Variants in CACNA1I observed in about 807,000 individuals in gnomAD.
CACNA1I encodes the protein calcium voltage-gated channel subunit alpha1 I.
A neutral mutation model predicts 201.6 loss-of-function variants in CACNA1I; 74 were observed. The observed-to-expected ratio is 0.37, with a 90% CI of 0.30 to 0.45. CACNA1I has a LOEUF of 0.45. CACNA1I is among the 20% of genes least tolerant of loss of function. The probability of loss-of-function intolerance (pLI) is 1.00; values close to 1 mark genes in which losing one functional copy is unlikely to be tolerated. For synonymous variants in CACNA1I, 1,431 were observed against 1,345.2 expected (o/e 1.06, Z -1.40); for missense variants, 2,346 against 3,138.1 (o/e 0.75, Z 6.03).
At chr22:39,652,546 C>A (rs1367692662) in intron 10 of CACNA1I, among the ~76,000 whole-genome samples, 2 of 152,238 alleles carry the variant, frequency 1.3e-5, no homozygotes, top group African/African-American at 2.4e-5. Context: ...TATTACCTCG[C>A]CCCTCTTGTA....
At chr22:39,595,507 C>G (rs922789662) in intron 1 of CACNA1I, among the ~76,000 whole-genome samples, 1 of 151,902 alleles carries the variant, frequency 6.6e-6, no homozygotes, top group Admixed American at 6.6e-5. Flanking sequence ...CGCCTGTAAT[C>G]CCAGCTACTT....
chr22:39,682,894 A>G (rs1243286380), intron 35 of CACNA1I, among the ~76,000 whole-genome samples: 1 of 152,196 alleles, frequency 6.6e-6, no homozygotes, highest in Non-Finnish European at 1.5e-5. Flanking sequence ...ACAAAAACCT[A>G]AGCATCTAAA....
At chr22:39,589,515 G>A (rs1242301116) in intron 1 of CACNA1I, among the ~76,000 whole-genome samples, 1 of 152,236 alleles carries the variant, frequency 6.6e-6, no homozygotes, top group Non-Finnish European at 1.5e-5. Flanking sequence ...GGCCACTGTT[G>A]CTCGAACACA....
intron 7 of CACNA1I, among the ~76,000 whole-genome samples, chr22:39,644,114 C>T (rs1380366656): frequency 1.3e-5 from 2 of 152,136 alleles, no homozygotes; most frequent in Non-Finnish European, 2.9e-5. Context: ...GGGAGGTGAG[C>T]AGGGAAAGAG....
rs1935194700 is a variant in CACNA1I, at chr22:39,666,327, T to C, written c.4104+321T>C. Among the ~76,000 whole-genome samples, 1 of 151,742 alleles carries C rather than the reference T, an allele frequency of 6.6e-6. No individual in the cohort carries two copies. The highest frequency in any genetic ancestry group is 1.5e-5 in the Non-Finnish European group (1 of 67,934). On this transcript the variant is annotated intron_variant, in intron 23 of 36. Coordinates refer to ENST00000402142, the MANE Select transcript of CACNA1I (RefSeq NM_021096.4). The surrounding 1 kb of genome is among the most constrained non-coding windows in gnomAD (Gnocchi z 4.1). ...AGAATCAAGCAGTCCTGGAGGTGAA[T>C]CCAGCTCTGCCACCTTCTGTAGGTG...
intron 4 of CACNA1I, among the ~76,000 whole-genome samples, chr22:39,633,741 C>T (rs73424170): frequency 0.025 from 3,734 of 152,324 alleles, 159 homozygotes; most frequent in African/African-American, 0.083. Context: ...ATGGACTCTA[C>T]AGGATCTTAG....
chr22:39,622,598 T>A (rs564778033), intron 4 of CACNA1I, among the ~76,000 whole-genome samples: 1 of 2,738 alleles, frequency 3.7e-4, no homozygotes, highest in Non-Finnish European at 7.5e-4. Context: ...GAGTGCGGTG[T>A]GGGGGGGGCG....
At position 39,686,817 on chromosome 22, in the gene CACNA1I, G is replaced by A. The variant is rs1181859060; in HGVS notation, c.*412G>A. The A allele has an allele frequency of 6.6e-6, 1 of 151,768 alleles. No homozygotes were observed. Among genetic ancestry groups the A allele is most frequent in the African/African-American group, 2.4e-5 (1 of 41,322 alleles). The allele number at this position is 151,768 out of a possible 1,614,324, so 9.4% of individuals were successfully genotyped here. A position where few individuals can be genotyped will look rare whatever the true frequency, so the allele number is the denominator to read the frequency against. ...TGGCCAGACCCACCCCAGGGCACAT[G>A]TCCTGCGGGGGCGTCCCAGCTGTGT... On this transcript the variant is annotated 3_prime_UTR_variant, in exon 37 of 37. Transcript: ENST00000402142.
In CACNA1I at chr22:39,647,919, G is replaced by A. The variant is rs747079938; in HGVS notation, c.1560G>A (p.Ser520=). The part of the protein sequence containing the change: ...HGPASPGNDH[S]GRELCPQHSP... ...CTGCCTCCCCTGGAAATGATCACTC[G>A]GGAAGAGGCAAGCCAGGGCCACGGG... Residue 520 remains serine (S), a synonymous_variant, in exon 9 of 37, where the codon TCG becomes TCA. Coordinates refer to ENST00000402142, the MANE Select transcript of CACNA1I (RefSeq NM_021096.4). The A allele has an allele frequency of 5.0e-5, 81 of 1,613,166 alleles. No homozygotes were observed. Among genetic ancestry groups the A allele is most frequent in the Non-Finnish European group, 6.0e-5 (71 of 1,179,758 alleles).
At chr22:39,640,515 G>A (rs1601486493) in intron 5 of CACNA1I, among the ~76,000 whole-genome samples, 1 of 152,234 alleles carries the variant, frequency 6.6e-6, no homozygotes, top group Admixed American at 6.5e-5. Flanking sequence ...GCCAGTGCTT[G>A]TTTACTGACC....
chr22:39,673,142 A>C, intron 28 of CACNA1I, 60 bp downstream of exon 28: 1 of 546,438 alleles, frequency 1.8e-6, no homozygotes, highest in African/African-American at 2.2e-5. Flanking sequence ...GAGACTCCTC[A>C]TTGCCTGATG....
chr22:39,673,677 C>A (rs1935438880), intron 28 of CACNA1I, among the ~76,000 whole-genome samples: 1 of 152,176 alleles, frequency 6.6e-6, no homozygotes, highest in African/African-American at 2.4e-5. Context: ...CAGTTCATGG[C>A]CCACCCATTC....
chr22:39,668,846 T>C (rs927392448), intron 24 of CACNA1I, among the ~76,000 whole-genome samples: 1 of 152,086 alleles, frequency 6.6e-6, no homozygotes, highest in Non-Finnish European at 1.5e-5. Flanking sequence ...GGGTGTGCCA[T>C]GACAAGGGGC....
intron 1 of CACNA1I, among the ~76,000 whole-genome samples, chr22:39,575,288 A>G (rs1339456859): frequency 2.6e-5 from 4 of 152,146 alleles, no homozygotes; most frequent in Admixed American, 2.0e-4. Flanking sequence ...GTTTCTTAAC[A>G]TTTCCGAGCC....
intron 3 of CACNA1I, among the ~76,000 whole-genome samples, chr22:39,606,991 C>G (rs1933239155): frequency 6.6e-6 from 1 of 152,208 alleles, no homozygotes; most frequent in Non-Finnish European, 1.5e-5. Context: ...CCTCCCCCAA[C>G]CAGAAACAAA....
chr22:39,674,411 G>A (rs1423371620), intron 29 of CACNA1I, among the ~76,000 whole-genome samples: 1 of 152,220 alleles, frequency 6.6e-6, no homozygotes, highest in Non-Finnish European at 1.5e-5. Context: ...ATCAGGGAAG[G>A]CAGCCTAGGA....
chr22:39,643,269 G>A (rs1486222117), intron 7 of CACNA1I, among the ~76,000 whole-genome samples: 2 of 152,212 alleles, frequency 1.3e-5, no homozygotes, highest in African/African-American at 2.4e-5. Flanking sequence ...TTTCCTGGAC[G>A]GAGAAGACAA....
intron 17 of CACNA1I, 76 bp downstream of exon 17, chr22:39,662,511 G>A: frequency 1.7e-6 from 2 of 1,160,114 alleles, no homozygotes; most frequent in Non-Finnish European, 2.3e-6. Flanking sequence ...AGGAGGCGGG[G>A]CCCGAGCGGG....
chr22:39,656,028 A>T (rs1383904173), intron 10 of CACNA1I, among the ~76,000 whole-genome samples: 1 of 152,106 alleles, frequency 6.6e-6, no homozygotes, highest in Non-Finnish European at 1.5e-5. Flanking sequence ...GCTGGCTCTG[A>T]GCAGCATCTG....
Sources: gnomAD v4.1 joint callset for allele counts (sites outside exome capture counted in the v4.1 genomes callset) on GRCh38, gnomAD v4.1.1 for gene constraint, Gnocchi (gnomAD v3.1) non-coding constraint, MANE v1.5 for transcripts, NCBI Gene and HGNC (gene_info 2026-07-23, HGNC 2026-07-21) for gene names.